MBNL1: variants seen among roughly 807,000 people sequenced by gnomAD.
MBNL1 encodes muscleblind like splicing regulator 1.
A neutral mutation model predicts 42.2 loss-of-function variants in MBNL1; 8 were observed. The observed-to-expected ratio is 0.19, with a 90% CI of 0.11 to 0.34. The LOEUF is 0.34. MBNL1 is among the 10% of genes least tolerant of loss of function. The pLI is 1.00. For synonymous variants in MBNL1, 169 were observed against 173.9 expected (o/e 0.97, Z 0.22); for missense variants, 309 against 495.3 (o/e 0.62, Z 3.57).
intron 2 of MBNL1, among the ~76,000 whole-genome samples, chr3:152,392,530 A>C (rs1302040595): frequency 2.0e-5 from 3 of 152,238 alleles, no homozygotes; most frequent in Admixed American, 2.0e-4. Flanking sequence ...CAGAATTTCT[A>C]CTTTTTAAAA....
Position 152,290,979 on chromosome 3 carries a change from A to G in MBNL1, c.-789-8426A>G, listed in dbSNP as rs188158391. Among the ~76,000 whole-genome samples the G allele has an allele frequency of 4.0e-3, 606 of 152,294 alleles. 6 individuals are homozygous for G. The highest frequency in any genetic ancestry group is 6.7e-3 in the Admixed American group (103 of 15,302). On this transcript the variant is annotated intron_variant, in intron 1 of 9. Transcript: ENST00000324210. ...ATTTAGCTCTTGAGCACATAACAGC[A>G]TTTTAACTTTTGCTGTAGTCTGTGT...
chr3:152,379,058 C>A (rs1270833887), intron 2 of MBNL1, among the ~76,000 whole-genome samples: 1 of 152,078 alleles, frequency 6.6e-6, no homozygotes. Context: ...AATACTCTAT[C>A]AACTATATTT....
chr3:152,267,659 C>G (rs2037597286), upstream of MBNL1: 1 of 152,134 alleles, frequency 6.6e-6, no homozygotes, highest in African/African-American at 2.4e-5. Context: ...GGAAGAGGCA[C>G]CATTTAATTA....
chr3:152,392,672 T>C (rs891206242), intron 2 of MBNL1, among the ~76,000 whole-genome samples: 1 of 152,220 alleles, frequency 6.6e-6, no homozygotes, highest in African/African-American at 2.4e-5. Context: ...GTAATAGCCT[T>C]AACTGGGTGA....
At position 152,299,940 on chromosome 3, in the gene MBNL1, A is replaced by G; in HGVS notation, c.-254A>G. 2.1e-6 allele frequency: 1 copy of G among 476,420 alleles called. No individual in the cohort carries two copies. The highest frequency in any genetic ancestry group is 3.7e-6 in the Non-Finnish European group (1 of 272,256). The allele number at this position is 476,420 out of a possible 1,614,324, so 29.5% of individuals were successfully genotyped here. On this transcript the variant is annotated 5_prime_UTR_variant, in exon 2 of 10. Transcript: ENST00000324210. Reference sequence around the variant, plus strand: ...ACTTTTAAACGTTCATCTACTTACAATCCTAGTATTTCTCTAAAAACCAAA... The same window carrying G: ...ACTTTTAAACGTTCATCTACTTACAGTCCTAGTATTTCTCTAAAAACCAAA...
chr3:152,323,506 C>T (rs1274554925), intron 2 of MBNL1, among the ~76,000 whole-genome samples: 1 of 152,036 alleles, frequency 6.6e-6, no homozygotes, highest in Non-Finnish European at 1.5e-5. Context: ...GGGATATATT[C>T]TGTGTGTCAT....
intron 2 of MBNL1, among the ~76,000 whole-genome samples, chr3:152,336,348 AT>A (rs1340117873): frequency 6.6e-6 from 1 of 152,148 alleles, no homozygotes; most frequent in Admixed American, 6.6e-5. Flanking sequence ...ACTGCAATTG[AT>A]TTTTAATTTT....
chr3:152,299,731 C>G lies in MBNL1; in HGVS notation c.-463C>G. ...TCTGTCTATGCCAAACTAATCAATACCGATTGCACCACCAAACTCCATTGC... is the reference window on the plus strand; with the variant it reads ...TCTGTCTATGCCAAACTAATCAATAGCGATTGCACCACCAAACTCCATTGC... On this transcript the variant is annotated 5_prime_UTR_variant, in exon 2 of 10. Transcript: ENST00000324210. 2.5e-6 allele frequency: 1 copy of G among 399,546 alleles called. No homozygotes were observed. Among genetic ancestry groups the G allele is most frequent in the Non-Finnish European group, 4.4e-6 (1 of 226,790 alleles). The allele number at this position is 399,546 out of a possible 1,614,324, so 24.8% of individuals were successfully genotyped here.
intron 1 of MBNL1, among the ~76,000 whole-genome samples, chr3:152,286,283 A>G (rs2051678981): frequency 6.9e-6 from 1 of 145,556 alleles, no homozygotes; most frequent in Non-Finnish European, 1.5e-5. Context: ...TATTTTATTT[A>G]TAATACAAAT....
At chr3:152,306,418 A>G (rs2063156541) in intron 2 of MBNL1, among the ~76,000 whole-genome samples, 2 of 152,124 alleles carry the variant, frequency 1.3e-5, no homozygotes, top group Non-Finnish European at 2.9e-5. Flanking sequence ...TCAAAATTGC[A>G]ATGTGGCCAC....
chr3:152,420,485 G>C (rs1285187090), intron 3 of MBNL1, among the ~76,000 whole-genome samples: 1 of 152,200 alleles, frequency 6.6e-6, no homozygotes, highest in Non-Finnish European at 1.5e-5. Flanking sequence ...AGGGTCTTGA[G>C]TGGACCTCCA....
chr3:152,282,384 A>G (rs1343002485), intron 1 of MBNL1, among the ~76,000 whole-genome samples: 2 of 152,064 alleles, frequency 1.3e-5, no homozygotes, highest in Non-Finnish European at 2.9e-5. Context: ...TTCCATGCTA[A>G]TATACTAATT....
chr3:152,298,162 A>G (rs2059427947), intron 1 of MBNL1, among the ~76,000 whole-genome samples: 1 of 152,194 alleles, frequency 6.6e-6, no homozygotes, highest in Non-Finnish European at 1.5e-5. Context: ...CCATATGCCA[A>G]TAGAGCAATT....
chr3:152,252,807 T>C (rs943683892), intron 2 of MBNL1, among the ~76,000 whole-genome samples: 1 of 152,120 alleles, frequency 6.6e-6, no homozygotes, highest in Non-Finnish European at 1.5e-5. Context: ...ATCATAAATA[T>C]ACATAGTCTA....
chr3:152,390,175 T>G (rs1033698076), intron 2 of MBNL1, among the ~76,000 whole-genome samples: 3 of 151,804 alleles, frequency 2.0e-5, no homozygotes, highest in African/African-American at 7.3e-5. Flanking sequence ...ACTTACTGAC[T>G]CTTTTGTAAT....
intron 4 of MBNL1, among the ~76,000 whole-genome samples, chr3:152,444,690 G>A (rs1342573283): frequency 6.6e-6 from 1 of 152,106 alleles, no homozygotes; most frequent in South Asian, 2.1e-4. Flanking sequence ...TTTACCAATT[G>A]TCCTCCCAAT....
At chr3:152,302,514 A>G (rs139291871) in intron 2 of MBNL1, 488 of 152,338 alleles carry the variant, frequency 3.2e-3, no homozygotes, top group African/African-American at 0.011. Flanking sequence ...GTATATATTT[A>G]TAACTGACAC....
chr3:152,281,551 T>G (rs774210480), intron 1 of MBNL1, among the ~76,000 whole-genome samples: 1 of 152,154 alleles, frequency 6.6e-6, no homozygotes, highest in Non-Finnish European at 1.5e-5. Flanking sequence ...GTATTAGTTC[T>G]ACTCATACCT....
intron 1 of MBNL1, among the ~76,000 whole-genome samples, chr3:152,272,111 G>A (rs1184150826): frequency 6.0e-5 from 9 of 149,010 alleles, no homozygotes; most frequent in Non-Finnish European, 1.3e-4. Context: ...GGCTAACATC[G>A]TATTTATTTT....
Sources: allele counts gnomAD v4.1 joint callset (sites outside exome capture counted in the v4.1 genomes callset), GRCh38; gene constraint gnomAD v4.1.1; transcripts MANE v1.5; gene names NCBI Gene and HGNC (gene_info 2026-07-23, HGNC 2026-07-21).